NINL: variants seen among roughly 807,000 people sequenced by gnomAD.
The protein encoded by NINL is ninein-like protein.
Under a neutral mutation model 160.3 loss-of-function variants are expected in NINL, and 153 were observed. That is an observed-to-expected ratio of 0.95 (90% CI 0.84 to 1.09). NINL has a LOEUF of 1.09. Among genes scored for constraint, NINL ranks in the 50% least tolerant of loss-of-function variants. The pLI, the probability that NINL is intolerant of heterozygous loss-of-function variation, is 0.00. For synonymous variants in NINL, 800 were observed against 734.8 expected, an observed-to-expected ratio of 1.09 and a Z score of -1.43; for missense variants, 1,829 against 1,764.0, an observed-to-expected ratio of 1.04 and a Z score of -0.66.
rs1178646140 is a variant in NINL at position 25,565,627 on chromosome 20, GTTAA to G, written c.-12+19824_-12+19827del. On this transcript the variant is annotated intron_variant, in intron 1 of 23. Transcript: ENST00000278886. ...CAAGATAAAAACTTCACTTGTAATG[GTTAA>G]TTTTTGGTGTCATCTTGACTGAATA... Among the ~76,000 whole-genome samples the G allele has an allele frequency of 8.5e-5, 13 of 152,330 alleles. 1 individual carries two copies. In the South Asian group the frequency reaches 2.7e-3, roughly 32 times the overall value.
chr20:25,509,546 T>G (rs1184357126), intron 5 of NINL: 5 of 409,840 alleles, frequency 1.2e-5, no homozygotes, highest in Non-Finnish European at 1.9e-5. Flanking sequence ...CAAGCTGCTC[T>G]GAGAGGAGGG....
chr20:25,533,360 C>G lies in NINL; in HGVS notation c.-11-6762G>C, dbSNP rs1489905356. On this transcript the variant is annotated intron_variant, in intron 1 of 23. Coordinates refer to ENST00000278886, the MANE Select transcript of NINL (RefSeq NM_025176.6). Reference sequence around the variant, plus strand: ...GAGGAAAGCCATTTCAGCCAGGAAACAAAACAGACTGCTGGGCAAAAAGAA... The same window carrying G: ...GAGGAAAGCCATTTCAGCCAGGAAAGAAAACAGACTGCTGGGCAAAAAGAA... 2.6e-5 allele frequency among the ~76,000 whole-genome samples: 4 copies of G among 152,096 alleles called. No individual in the cohort carries two copies. In the South Asian group the frequency reaches 8.3e-4, roughly 32 times the overall value.
intron 1 of NINL, among the ~76,000 whole-genome samples, chr20:25,574,296 A>T (rs1056496402): frequency 6.6e-6 from 1 of 152,214 alleles, no homozygotes; most frequent in Admixed American, 6.5e-5. Context: ...CATTTCAAGA[A>T]ACAAAGCTAG....
intron 1 of NINL, among the ~76,000 whole-genome samples, chr20:25,565,240 A>G (rs141025710): frequency 6.6e-6 from 1 of 152,316 alleles, no homozygotes; most frequent in East Asian, 1.9e-4. Context: ...TCTGTTTTCC[A>G]TAACAAAGGC....
chr20:25,512,713 G>A, intron 4 of NINL, 121 bp downstream of exon 4: 1 of 1,273,348 alleles, frequency 7.9e-7, no homozygotes, highest in Non-Finnish European at 1.1e-6. Flanking sequence ...GCGACTCAGG[G>A]TGCCTGAGAC....
At chr20:25,494,870 C>T (rs965632464) in intron 10 of NINL, among the ~76,000 whole-genome samples, 4 of 152,200 alleles carry the variant, frequency 2.6e-5, no homozygotes, top group African/African-American at 4.8e-5. Context: ...GGCTCTTGCT[C>T]CCCAGAAAGC....
At chr20:25,575,745 C>CA (rs1379864862) in intron 1 of NINL, among the ~76,000 whole-genome samples, 12 of 137,416 alleles carry the variant, frequency 8.7e-5, no homozygotes, top group South Asian at 2.3e-4. Flanking sequence ...TACTCAGTCT[C>CA]AAAAAAAACA....
chr20:25,518,567 C>T (rs1044963837), intron 2 of NINL, among the ~76,000 whole-genome samples: 2 of 151,718 alleles, frequency 1.3e-5, no homozygotes, highest in Non-Finnish European at 2.9e-5. Context: ...TTTTAATATC[C>T]TTATGTTTTA....
chr20:25,535,571 T>C lies in NINL; in HGVS notation c.-11-8973A>G, dbSNP rs560765044. Among the ~76,000 whole-genome samples the C allele has an allele frequency of 8.5e-5, 13 of 152,306 alleles. No individual in the cohort carries two copies. In the South Asian group the frequency reaches 2.3e-3, roughly 27 times the overall value. On this transcript the variant is annotated intron_variant, in intron 1 of 23. Coordinates refer to ENST00000278886, the MANE Select transcript of NINL (RefSeq NM_025176.6). ...ATAAACTGGGGTGGGGGAGAAGTTCTAGAGATCTGTTACAAAACTAAGCGA... is the reference window on the plus strand; with the variant it reads ...ATAAACTGGGGTGGGGGAGAAGTTCCAGAGATCTGTTACAAAACTAAGCGA...
Position 25,512,894 on chromosome 20 carries a change from C to G in NINL, c.390G>C (p.Gln130His). 6.2e-7 allele frequency: 1 copy of G among 1,614,214 alleles called. No homozygotes were observed. The highest frequency in any genetic ancestry group is 8.5e-7 in the Non-Finnish European group (1 of 1,180,034). ...GACTTTTCAGGCTGGCCTGGGTTTG[C>G]TGCTCCGGCACGCGTCTGGCTTCTG... The part of the protein sequence containing the change: ...AATEARRVPE[Q>H]QTQASLKSHL... The change falls in exon 4 of 24, where the codon CAG becomes CAC. Residue 130 changes from glutamine (Q) to histidine (H), a missense_variant. Coordinates refer to ENST00000278886, the MANE Select transcript of NINL (RefSeq NM_025176.6).
intron 1 of NINL, among the ~76,000 whole-genome samples, chr20:25,571,142 G>A (rs1174203419): frequency 1.3e-5 from 2 of 152,154 alleles, no homozygotes; most frequent in African/African-American, 2.4e-5. Context: ...AGCTTGCTAC[G>A]ACTATGATGT....
intron 17 of NINL, among the ~76,000 whole-genome samples, chr20:25,474,937 G>A (rs1461384221): frequency 1.3e-5 from 2 of 151,574 alleles, no homozygotes; most frequent in Admixed American, 1.3e-4. Context: ...ACAGGCGCAC[G>A]CCACCACACT....
intron 1 of NINL, among the ~76,000 whole-genome samples, chr20:25,575,338 T>A (rs1168479472): frequency 2.0e-5 from 3 of 148,844 alleles, no homozygotes; most frequent in Non-Finnish European, 4.4e-5. Context: ...TCCCAGCTAC[T>A]CCAGAGGTTG....
In NINL at chr20:25,453,367, C is replaced by G; in HGVS notation, c.*84G>C. ...TCCTCAGATGTCCCAGGACTCATGG[C>G]TCATGACCCACGGAATCTAAGGCAG... On this transcript the variant is annotated 3_prime_UTR_variant, in exon 24 of 24. Coordinates refer to ENST00000278886, the MANE Select transcript of NINL (RefSeq NM_025176.6). 1 of 1,261,368 alleles carries G rather than the reference C, an allele frequency of 7.9e-7. No homozygotes were observed. The highest frequency in any genetic ancestry group is 1.4e-5 in the South Asian group (1 of 70,226). 78.1% of individuals were successfully genotyped at this position (1,261,368 alleles called of 1,614,324 possible).
In NINL at chr20:25,467,647, G is replaced by A. The variant is rs543690396; in HGVS notation, c.3354-189C>T. 7.9e-5 allele frequency among the ~76,000 whole-genome samples: 12 copies of A among 152,226 alleles called. No individual in the cohort carries two copies. In the South Asian group the frequency reaches 1.2e-3, roughly 16 times the overall value. On this transcript the variant is annotated intron_variant, in intron 18 of 23. Transcript: ENST00000278886. ...CACTACTAATGAAGACGACGATCCC[G>A]TCTTCCATGGTTTATCCCAAACCAC...
intron 1 of NINL, among the ~76,000 whole-genome samples, chr20:25,561,565 C>T (rs1226740009): frequency 4.0e-5 from 6 of 151,752 alleles, no homozygotes; most frequent in African/African-American, 7.3e-5. Context: ...TCTGCCCGGC[C>T]GCCATCCCAC....
intron 10 of NINL, 145 bp from the exon 11 acceptor site, chr20:25,491,670 T>G (rs2063642068): frequency 2.2e-6 from 2 of 924,712 alleles, no homozygotes; most frequent in Middle Eastern, 5.0e-4. Context: ...GAGCTGCCCA[T>G]GCTGGGAGGC....
intron 21 of NINL, among the ~76,000 whole-genome samples, chr20:25,460,388 T>C (rs2062753498): frequency 1.3e-5 from 2 of 152,136 alleles, no homozygotes; most frequent in African/African-American, 4.8e-5. Context: ...AAGGACAGAC[T>C]TGGTGAGGTG....
intron 1 of NINL, among the ~76,000 whole-genome samples, chr20:25,575,854 T>C (rs2065109609): frequency 6.6e-6 from 1 of 152,174 alleles, no homozygotes; most frequent in Non-Finnish European, 1.5e-5. Context: ...TTTTCCCCTT[T>C]ACCACAACCA....
Sources: allele counts gnomAD v4.1 joint callset (sites outside exome capture counted in the v4.1 genomes callset), GRCh38; gene constraint gnomAD v4.1.1; transcripts MANE v1.5; gene names NCBI Gene and HGNC (gene_info 2026-07-23, HGNC 2026-07-21).